Variants in PASK observed in about 807,000 individuals in gnomAD.
The protein encoded by PASK is PAS domain-containing serine/threonine-protein kinase.
A neutral mutation model predicts 121.0 loss-of-function variants in PASK; 110 were observed. The observed-to-expected ratio is 0.91, with a 90% CI of 0.78 to 1.06. PASK has a LOEUF of 1.06. Ranked by LOEUF, PASK falls within the 50% of genes least tolerant of loss-of-function variation. The probability of loss-of-function intolerance (pLI) is 0.00; values close to 1 mark genes in which losing one functional copy is unlikely to be tolerated. For synonymous variants in PASK, 686 were observed against 717.8 expected (o/e 0.96, Z 0.71); for missense variants, 1,643 against 1,702.3 (o/e 0.97, Z 0.61).
chr2:241,111,296 T>C (rs1482032165), intron 15 of PASK, among the ~76,000 whole-genome samples: 2 of 152,112 alleles, frequency 1.3e-5, no homozygotes. Context: ...GAGAACCACA[T>C]GGAGCAGATA....
intron 12 of PASK, among the ~76,000 whole-genome samples, chr2:241,115,783 A>ACCCGGTCCCCAAGCATCCCATTACACCAG (rs2065319837): frequency 3.6e-5 from 4 of 110,434 alleles, no homozygotes; most frequent in Admixed American, 9.1e-5. Context: ...CCATTACGCC[A>ACCCGGTCCCCAAGCATCCCATTACACCAG]GGGCCACCCG....
At chr2:241,138,512 G>T (rs750213920) in intron 5 of PASK, 142 bp downstream of exon 5, 68 of 934,110 alleles carry the variant, frequency 7.3e-5, no homozygotes, top group Non-Finnish European at 1.1e-4. Flanking sequence ...CGCAATCAGC[G>T]AGGGTACCAC....
rs750815337 is a variant in PASK at position 241,145,070 on chromosome 2, C to T, written c.-42-1996G>A. Among the ~76,000 whole-genome samples the T allele has an allele frequency of 9.5e-4, 145 of 152,264 alleles. 1 individual carries two copies. The highest frequency in any genetic ancestry group is 4.5e-3 in the Admixed American group (69 of 15,288). ...CTGGGACTACAGGCAGCCGCCACCA[C>T]GCCTGGCTAATTTTTGGTATTTTTA... On this transcript the variant is annotated intron_variant, in intron 1 of 17. Coordinates refer to ENST00000234040, the MANE Select transcript of PASK (RefSeq NM_015148.4).
intron 9 of PASK, among the ~76,000 whole-genome samples, chr2:241,129,142 G>C (rs189884845): frequency 6.6e-6 from 1 of 152,194 alleles, no homozygotes; most frequent in East Asian, 1.9e-4. Flanking sequence ...CCTCCTGCAG[G>C]ATCAGGTAAG....
chr2:241,123,174 CTTT>C (rs528024638), intron 11 of PASK, among the ~76,000 whole-genome samples: 23,434 of 132,712 alleles, frequency 0.18, 2,838 homozygotes, highest in East Asian at 0.44. Flanking sequence ...AAAGTGGCTT[CTTT>C]TTTTTTTTTT....
rs750727879 is a variant in PASK at position 241,122,784 on chromosome 2, C to G, written c.3020G>C (p.Ser1007Thr). ...QKYSTMSPLG[S>T]GAFGFVWTAV... ...AGTCCACACGAAGCCGAAGGCCCCA[C>G]TGCCCAGCGGGCTCATGGTACTGTA... Residue 1007 changes from serine to threonine, a missense_variant, in exon 12 of 18, where the codon AGT (serine) becomes ACT (threonine). This residue lies in a region of PASK where 453 missense variants were observed against 511.2 expected (regional missense o/e 0.89). Coordinates refer to ENST00000234040, the MANE Select transcript of PASK (RefSeq NM_015148.4). 7 of 1,614,236 alleles carry G rather than the reference C, an allele frequency of 4.3e-6. No homozygotes were observed. Among genetic ancestry groups the G allele is most frequent in the Non-Finnish European group, 5.9e-6 (7 of 1,180,034 alleles).
rs781292652 is a variant in PASK at position 241,115,322 on chromosome 2, AT to A, written c.3163del (p.Ile1055PhefsTer26). 6.2e-7 allele frequency: 1 copy of A among 1,614,016 alleles called. No individual in the cohort carries two copies. Among genetic ancestry groups the A allele is most frequent in the Non-Finnish European group, 8.5e-7 (1 of 1,179,908 alleles). On this transcript the variant is annotated frameshift_variant, in exon 13 of 18. Transcript: ENST00000234040. LOFTEE classifies it high-confidence loss of function. ...ATTGGCGTGCTCCACCCTGGATAGA[AT>A]TGCGATCTCTAAAGTAACTTTCCCA... is the stretch of plus-strand genomic sequence containing the variant. ...KLGKVTLEIAILSRVEHANII... is the reference protein window; with the variant it reads ...KLGKVTLEIAXLSRVEHANII...
At chr2:241,133,540 G>A (rs1278570974) in intron 8 of PASK, 6 of 212,458 alleles carry the variant, frequency 2.8e-5, no homozygotes, top group South Asian at 8.0e-5. Flanking sequence ...CCTTCCTCCC[G>A]AGCTCTGGCC....
At chr2:241,149,530 A>G (rs999706976), upstream of PASK, 2 of 885,896 alleles carry the variant, frequency 2.3e-6, no homozygotes, top group Admixed American at 2.7e-5. Flanking sequence ...AGCTCCACGG[A>G]CCAGCCACTT....
intron 3 of PASK, 79 bp downstream of exon 3, chr2:241,140,442 A>G: frequency 1.8e-6 from 2 of 1,088,908 alleles, no homozygotes; most frequent in Middle Eastern, 2.0e-4. Flanking sequence ...TAATTGCATT[A>G]AAACACACAA....
At chr2:241,119,538 C>T (rs1338609328) in intron 12 of PASK, among the ~76,000 whole-genome samples, 7 of 149,986 alleles carry the variant, frequency 4.7e-5, no homozygotes, top group Non-Finnish European at 1.0e-4. Flanking sequence ...GGCGCAATCT[C>T]GGCTCACTGC....
intron 9 of PASK, among the ~76,000 whole-genome samples, chr2:241,132,234 G>A (rs540746752): frequency 1.3e-5 from 2 of 151,492 alleles, no homozygotes; most frequent in African/African-American, 4.8e-5. Flanking sequence ...TGTGCAAAGA[G>A]AACAGCTTCA....
At chr2:241,149,194 C>A (rs556856807) in intron 1 of PASK, among the ~76,000 whole-genome samples, 1 of 152,224 alleles carries the variant, frequency 6.6e-6, no homozygotes, top group East Asian at 1.9e-4. Context: ...GGGCCCAGGG[C>A]CAACGGCCGC....
At position 241,137,097 on chromosome 2, in the gene PASK, G is replaced by T. The variant is rs2066470975; in HGVS notation, c.1044C>A (p.Leu348=). The T allele has an allele frequency of 6.2e-7, 1 of 1,613,640 alleles. No homozygotes were observed. Among genetic ancestry groups the T allele is most frequent in the South Asian group, 1.1e-5 (1 of 91,084 alleles). ...SVWVFCTISG[L]ITLLPDGTIH... ...TGGTCCCATCCGGCAGGAGGGTGATGAGGCCACTGATGGTGCAGAACACCC... is the reference window on the plus strand; with the variant it reads ...TGGTCCCATCCGGCAGGAGGGTGATTAGGCCACTGATGGTGCAGAACACCC... Residue 348 remains leucine (L), a synonymous_variant, in exon 7 of 18, where the codon CTC becomes CTA. Coordinates refer to ENST00000234040, the MANE Select transcript of PASK (RefSeq NM_015148.4).
chr2:241,144,749 C>T (rs2066873764), intron 1 of PASK, among the ~76,000 whole-genome samples: 1 of 152,166 alleles, frequency 6.6e-6, no homozygotes, highest in Non-Finnish European at 1.5e-5. Context: ...GGGAGGTGGC[C>T]CTCCCAACAC....
At chr2:241,130,426 A>G (rs1165715430) in intron 9 of PASK, among the ~76,000 whole-genome samples, 1 of 152,130 alleles carries the variant, frequency 6.6e-6, no homozygotes, top group Non-Finnish European at 1.5e-5. Flanking sequence ...GAGGATAGCA[A>G]CGGGCCACGT....
upstream of PASK, chr2:241,150,322 C>T (rs548086552): frequency 2.0e-4 from 260 of 1,326,116 alleles, no homozygotes; most frequent in African/African-American, 3.2e-3. Flanking sequence ...GGAGGCGCGG[C>T]GCGCGGCCTC....
intron 9 of PASK, among the ~76,000 whole-genome samples, chr2:241,129,417 G>A (rs1436986381): frequency 3.9e-5 from 6 of 152,186 alleles, no homozygotes; most frequent in Non-Finnish European, 8.8e-5. Context: ...TTGCTAGGGA[G>A]ACCCCAGCAG....
chr2:241,139,394 C>T (rs2066593966), intron 4 of PASK, among the ~76,000 whole-genome samples: 1 of 152,206 alleles, frequency 6.6e-6, no homozygotes, highest in Non-Finnish European at 1.5e-5. Context: ...CAGTCCTCCA[C>T]ATCCAACTCA....
Sources: gnomAD v4.1 joint callset for allele counts (sites outside exome capture counted in the v4.1 genomes callset) on GRCh38, gnomAD v4.1.1 for gene constraint, gnomAD v4.1.1 regional missense constraint, MANE v1.5 for transcripts, NCBI Gene and HGNC (gene_info 2026-07-23, HGNC 2026-07-21) for gene names.